Variants in FHIT observed in about 807,000 individuals in gnomAD.
FHIT encodes fragile histidine triad diadenosine triphosphatase, also known as bis(5'-adenosyl)-triphosphatase.
Under a neutral mutation model 17.9 loss-of-function variants are expected in FHIT, and 19 were observed. That is an observed-to-expected ratio of 1.06 (90% CI 0.74 to 1.56). FHIT has a LOEUF of 1.56. Among genes scored for constraint, FHIT ranks in the 40% most tolerant of loss-of-function variants. FHIT has a pLI of 0.00. For synonymous variants in FHIT, 81 were observed against 69.7 expected (o/e 1.16, Z -0.81); for missense variants, 248 against 189.2 (o/e 1.31, Z -1.82).
chr3:60,074,332 A>G (rs1559607773), intron 5 of FHIT, among the ~76,000 whole-genome samples: 1 of 152,028 alleles, frequency 6.6e-6, no homozygotes, highest in East Asian at 1.9e-4. Flanking sequence ...CCTTTGTTGG[A>G]TGGAAATTTT....
intron 5 of FHIT, among the ~76,000 whole-genome samples, chr3:60,227,308 A>G (rs1412743386): frequency 6.6e-6 from 1 of 152,194 alleles, no homozygotes; most frequent in Non-Finnish European, 1.5e-5. Flanking sequence ...CATGCATTTC[A>G]GAACTCTAAT....
chr3:59,763,479 T>C (rs1701633888), intron 8 of FHIT, among the ~76,000 whole-genome samples: 1 of 152,238 alleles, frequency 6.6e-6, no homozygotes, highest in Non-Finnish European at 1.5e-5. Flanking sequence ...ACAATCCAGA[T>C]CCCCAAGCAT....
chr3:59,941,901 TG>T (rs1317024739), intron 7 of FHIT, among the ~76,000 whole-genome samples: 2 of 152,284 alleles, frequency 1.3e-5, no homozygotes, highest in African/African-American at 4.8e-5. Context: ...CACTGTGAAC[TG>T]GAAATGTGTT....
At chr3:59,883,518 G>C (rs1178349676) in intron 8 of FHIT, among the ~76,000 whole-genome samples, 1 of 152,172 alleles carries the variant, frequency 6.6e-6, no homozygotes, top group South Asian at 2.1e-4. Context: ...CGACGAGAAT[G>C]GTATGGGGGA....
intron 8 of FHIT, among the ~76,000 whole-genome samples, chr3:59,860,035 G>A (rs929147730): frequency 1.3e-5 from 2 of 152,158 alleles, no homozygotes; most frequent in African/African-American, 2.4e-5. Context: ...CTCTCTGAAT[G>A]AAAGAGAATT....
At chr3:59,799,957 C>T (rs1371089001) in intron 8 of FHIT, among the ~76,000 whole-genome samples, 1 of 152,174 alleles carries the variant, frequency 6.6e-6, no homozygotes, top group Non-Finnish European at 1.5e-5. Context: ...AGACATAATA[C>T]TTGAGACTTT....
At chr3:60,542,305 C>G (rs749565111) in intron 4 of FHIT, among the ~76,000 whole-genome samples, 14 of 152,284 alleles carry the variant, frequency 9.2e-5, no homozygotes, top group Non-Finnish European at 1.6e-4. Context: ...ACCATTCTTA[C>G]ACGTTTCCCT....
At chr3:60,173,128 C>T (rs1207004709) in intron 5 of FHIT, among the ~76,000 whole-genome samples, 1 of 152,166 alleles carries the variant, frequency 6.6e-6, no homozygotes, top group African/African-American at 2.4e-5. Flanking sequence ...TACTTTCTGT[C>T]CATTTCCACA....
intron 5 of FHIT, among the ~76,000 whole-genome samples, chr3:60,523,239 T>A (rs1010137720): frequency 3.7e-4 from 57 of 152,304 alleles, no homozygotes; most frequent in Middle Eastern, 3.4e-3. Context: ...AGCAAGTATA[T>A]AAATATTTTA....
chr3:60,526,415 C>G (rs997538620), intron 5 of FHIT, among the ~76,000 whole-genome samples: 9 of 152,120 alleles, frequency 5.9e-5, no homozygotes, highest in African/African-American at 2.2e-4. Flanking sequence ...CAGCATCTAC[C>G]TGAGCAACCT....
intron 4 of FHIT, among the ~76,000 whole-genome samples, chr3:60,676,797 G>T (rs1317180745): frequency 2.6e-5 from 4 of 152,096 alleles, no homozygotes; most frequent in African/African-American, 9.7e-5. Context: ...GTGCCATTAT[G>T]TTTCACCACA....
At chr3:60,726,155 T>G (rs1389827331) in intron 4 of FHIT, among the ~76,000 whole-genome samples, 2 of 152,142 alleles carry the variant, frequency 1.3e-5, no homozygotes, top group African/African-American at 4.8e-5. Flanking sequence ...AACAAAGGAT[T>G]GGTCTCCCCT....
At chr3:60,473,336 G>A (rs557118158) in intron 5 of FHIT, among the ~76,000 whole-genome samples, 1 of 152,270 alleles carries the variant, frequency 6.6e-6, no homozygotes, top group Non-Finnish European at 1.5e-5. Flanking sequence ...GCTGAGGGGA[G>A]CTGGAGGTGG....
chr3:59,937,435 T>C (rs189744161), intron 7 of FHIT, among the ~76,000 whole-genome samples: 20 of 152,306 alleles, frequency 1.3e-4, no homozygotes, highest in African/African-American at 4.6e-4. Context: ...GCGTGCTTTA[T>C]TGGTGGGTTG....
intron 5 of FHIT, among the ~76,000 whole-genome samples, chr3:60,529,316 C>T (rs1310530655): frequency 1.3e-5 from 2 of 151,990 alleles, no homozygotes; most frequent in African/African-American, 2.4e-5. Context: ...AAGGAACATA[C>T]ATAAGACTAT....
Position 60,325,580 on chromosome 3 carries a change from T to G in FHIT, c.103+211280A>C, listed in dbSNP as rs576583118. 1.4e-4 allele frequency among the ~76,000 whole-genome samples: 21 copies of G among 152,366 alleles called. No individual in the cohort carries two copies. The South Asian group carries it at 1.7e-3, about 12-fold the overall frequency. On this transcript the variant is annotated intron_variant, in intron 5 of 9. Transcript: ENST00000492590. ...AAACTCTTCTCTAAATTTATTCTGTTGCTAAAAATACATTCATTACATTTT... is the reference window on the plus strand; with the variant it reads ...AAACTCTTCTCTAAATTTATTCTGTGGCTAAAAATACATTCATTACATTTT...
At chr3:60,560,269 A>G (rs2036890056) in intron 4 of FHIT, among the ~76,000 whole-genome samples, 1 of 152,212 alleles carries the variant, frequency 6.6e-6, no homozygotes. Flanking sequence ...AGTGCCTGGG[A>G]CACACTCCTA....
chr3:61,140,800 A>G (rs1043946412), intron 2 of FHIT, among the ~76,000 whole-genome samples: 8 of 152,198 alleles, frequency 5.3e-5, no homozygotes, highest in Non-Finnish European at 1.0e-4. Flanking sequence ...ACTAGGGAGT[A>G]TTTTACATTG....
intron 2 of FHIT, among the ~76,000 whole-genome samples, chr3:61,148,048 T>A (rs2037277771): frequency 7.0e-6 from 1 of 143,638 alleles, no homozygotes; most frequent in Non-Finnish European, 1.5e-5. Flanking sequence ...GAGAAAAGTT[T>A]AAAAAAAAAA....
Sources: gnomAD v4.1 joint callset for allele counts (sites outside exome capture counted in the v4.1 genomes callset) on GRCh38, gnomAD v4.1.1 for gene constraint, MANE v1.5 for transcripts, NCBI Gene and HGNC (gene_info 2026-07-23, HGNC 2026-07-21) for gene names.